Variants in NALCN observed in about 807,000 individuals in gnomAD.
The protein encoded by NALCN is sodium leak channel NALCN.
Under a neutral mutation model 225.3 loss-of-function variants are expected in NALCN, and 111 were observed. The observed-to-expected ratio is 0.49, with a 90% CI of 0.42 to 0.58. NALCN has a LOEUF of 0.58. Ranked by LOEUF, NALCN falls within the 20% of genes least tolerant of loss-of-function variation. The pLI is 0.00. For missense variants in NALCN, 1,378 were observed against 2,202.4 expected, an observed-to-expected ratio of 0.63 and a Z score of 7.49; for synonymous variants, 764 against 769.0, an observed-to-expected ratio of 0.99 and a Z score of 0.11.
chr13:101,258,901 T>A (rs2042326179), intron 10 of NALCN, among the ~76,000 whole-genome samples: 1 of 152,242 alleles, frequency 6.6e-6, no homozygotes. Flanking sequence ...TATGGATAAA[T>A]GGCTTTTAAA....
At chr13:101,152,655 T>A (rs903042296) in intron 15 of NALCN, among the ~76,000 whole-genome samples, 1 of 152,194 alleles carries the variant, frequency 6.6e-6, no homozygotes, top group Non-Finnish European at 1.5e-5. Context: ...TTTGCTCATA[T>A]TATTGTCCTT....
chr13:101,171,690 G>A (rs995751148), intron 15 of NALCN, among the ~76,000 whole-genome samples: 3 of 152,134 alleles, frequency 2.0e-5, no homozygotes, highest in African/African-American at 7.2e-5. Flanking sequence ...CAAAGGAAAA[G>A]CCATAGAGGT....
chr13:101,374,409 G>A (rs12429854), intron 6 of NALCN, among the ~76,000 whole-genome samples: 32,543 of 151,456 alleles, frequency 0.21, 3,638 homozygotes, highest in Non-Finnish European at 0.24. Context: ...CCGATCACAG[G>A]TGCCTCCTGG....
intron 1 of NALCN, among the ~76,000 whole-genome samples, chr13:101,404,711 G>A (rs1025679294): frequency 1.3e-5 from 2 of 152,096 alleles, no homozygotes; most frequent in African/African-American, 4.8e-5. Flanking sequence ...GCTTACACAT[G>A]GTTTTGTAAC....
chr13:101,172,355 T>C (rs1208937562), intron 15 of NALCN, among the ~76,000 whole-genome samples: 1 of 152,216 alleles, frequency 6.6e-6, no homozygotes, highest in Non-Finnish European at 1.5e-5. Flanking sequence ...CCCTGAGTTA[T>C]AGTCATACTC....
At chr13:101,122,853 G>C (rs575593427) in intron 18 of NALCN, among the ~76,000 whole-genome samples, 2 of 152,280 alleles carry the variant, frequency 1.3e-5, no homozygotes, top group Non-Finnish European at 2.9e-5. Flanking sequence ...GGATAGCTTT[G>C]GGAAGGAAGT....
At chr13:101,263,367 C>T (rs1291608552) in intron 10 of NALCN, among the ~76,000 whole-genome samples, 1 of 152,174 alleles carries the variant, frequency 6.6e-6, no homozygotes, top group Non-Finnish European at 1.5e-5. Context: ...GTTATTTAGT[C>T]TTTCTTGCAT....
chr13:101,246,555 T>G (rs989056022), intron 11 of NALCN, among the ~76,000 whole-genome samples: 10 of 152,168 alleles, frequency 6.6e-5, no homozygotes, highest in African/African-American at 2.2e-4. Context: ...GAGCAAATTT[T>G]GAGATGGATG....
intron 13 of NALCN, among the ~76,000 whole-genome samples, chr13:101,212,024 G>T (rs1490428835): frequency 6.6e-6 from 1 of 151,730 alleles, no homozygotes; most frequent in Non-Finnish European, 1.5e-5. Flanking sequence ...ATCTTCAAAA[G>T]CTCCCTTGTG....
intron 18 of NALCN, among the ~76,000 whole-genome samples, chr13:101,114,894 C>T (rs974079041): frequency 6.6e-6 from 1 of 152,162 alleles, no homozygotes; most frequent in South Asian, 2.1e-4. Context: ...CCAGGAGGAA[C>T]CTCGTTCTCT....
At chr13:101,168,883 C>T (rs1246918293) in intron 15 of NALCN, among the ~76,000 whole-genome samples, 1 of 152,070 alleles carries the variant, frequency 6.6e-6, no homozygotes, top group African/African-American at 2.4e-5. Context: ...GTTTTTTTCC[C>T]ACCTAAAAAA....
intron 7 of NALCN, among the ~76,000 whole-genome samples, chr13:101,308,601 C>G (rs1470589642): frequency 6.6e-6 from 1 of 152,158 alleles, no homozygotes; most frequent in East Asian, 1.9e-4. Context: ...TTACTTTACC[C>G]CAACTATTAC....
At chr13:101,121,968 T>TAA (rs1176589661) in intron 18 of NALCN, among the ~76,000 whole-genome samples, 4,350 of 147,406 alleles carry the variant, frequency 0.03, 174 homozygotes, top group African/African-American at 0.087. Flanking sequence ...TTTTTTTTTT[T>TAA]AAAAAAAATT....
intron 6 of NALCN, chr13:101,369,020 A>G: frequency 2.8e-6 from 1 of 362,394 alleles, no homozygotes; most frequent in South Asian, 2.1e-5. Flanking sequence ...AAACAACAAC[A>G]AAAAAGATAT....
intron 3 of NALCN, among the ~76,000 whole-genome samples, chr13:101,379,119 C>T (rs372019239): frequency 7.9e-5 from 12 of 152,244 alleles, no homozygotes; most frequent in Admixed American, 5.2e-4. Context: ...AGAAAAAAAG[C>T]TCATCATCAC....
At chr13:101,140,849 A>T (rs925744927) in intron 17 of NALCN, among the ~76,000 whole-genome samples, 1 of 152,212 alleles carries the variant, frequency 6.6e-6, no homozygotes, top group African/African-American at 2.4e-5. Context: ...ACTTGAGCTC[A>T]GGAGTTCAAG....
chr13:101,179,673 A>G (rs551902677), intron 14 of NALCN, among the ~76,000 whole-genome samples: 3 of 152,248 alleles, frequency 2.0e-5, no homozygotes, highest in Admixed American at 2.0e-4. Flanking sequence ...CTTTCTGCTG[A>G]CTTGACCACC....
Position 101,058,064 on chromosome 13 carries a change from G to C in NALCN, c.4906-8C>G, listed in dbSNP as rs1442057105. 6.2e-7 allele frequency: 1 copy of C among 1,608,824 alleles called. No individual in the cohort carries two copies. The highest frequency in any genetic ancestry group is 8.5e-7 in the Non-Finnish European group (1 of 1,177,948). On this transcript the variant is annotated splice_region_variant and splice_polypyrimidine_tract_variant and intron_variant, in intron 42 of 43. Coordinates refer to ENST00000251127, the MANE Select transcript of NALCN (RefSeq NM_052867.4). ...CTGCTGCTGGCTGCTTGTCTGCATG[G>C]GAGGAGAAGCACACAGTTACCGTCT...
chr13:101,179,738 C>T (rs2039115105), intron 14 of NALCN, among the ~76,000 whole-genome samples: 1 of 152,076 alleles, frequency 6.6e-6, no homozygotes, highest in Non-Finnish European at 1.5e-5. Context: ...TCCATATGCG[C>T]TTCCTAGAGT....
Sources: allele counts gnomAD v4.1 joint callset (sites outside exome capture counted in the v4.1 genomes callset), GRCh38; gene constraint gnomAD v4.1.1; transcripts MANE v1.5; gene names NCBI Gene and HGNC (gene_info 2026-07-23, HGNC 2026-07-21).